Variants in GNAL observed in about 807,000 individuals in gnomAD.
GNAL encodes guanine nucleotide-binding protein G(olf) subunit alpha.
A neutral mutation model predicts 55.1 loss-of-function variants in GNAL; 18 were observed. The observed-to-expected ratio is 0.33, with a 90% CI of 0.23 to 0.48. The LOEUF is 0.48. GNAL is among the 20% of genes least tolerant of loss of function. The pLI, the probability that GNAL is intolerant of heterozygous loss-of-function variation, is 0.99. For missense variants in GNAL, 412 were observed against 614.1 expected (o/e 0.67, Z 3.48); for synonymous variants, 253 against 237.0 (o/e 1.07, Z -0.62).
In GNAL at chr18:11,794,808, C is replaced by T. The variant is rs542335591; in HGVS notation, c.625-30110C>T. On this transcript the variant is annotated intron_variant, in intron 4 of 11. Transcript: ENST00000334049. Reference sequence around the variant, plus strand: ...AAGGACAGGCCAGCCCAGTGGCTCACGCCTGTAATCCCAGCACTTTGTTTT... The same window carrying T: ...AAGGACAGGCCAGCCCAGTGGCTCATGCCTGTAATCCCAGCACTTTGTTTT... Among the ~76,000 whole-genome samples, 43 of 149,866 alleles carry T rather than the reference C, an allele frequency of 2.9e-4. 1 individual carries two copies. The South Asian group carries it at 8.5e-3, about 29-fold the overall frequency.
intron 4 of GNAL, among the ~76,000 whole-genome samples, chr18:11,780,373 A>AT (rs200283622): frequency 1.6e-4 from 22 of 140,226 alleles, no homozygotes; most frequent in South Asian, 6.8e-4. Flanking sequence ...TGGCTCTTAT[A>AT]TTTAAAAAAA....
At chr18:11,851,811 T>C in intron 5 of GNAL, 1 of 1,613,964 alleles carries the variant, frequency 6.2e-7, no homozygotes, top group Admixed American at 1.7e-5. Context: ...AGTCGATGGA[T>C]GCGACATTGA....
chr18:11,836,239 G>T (rs2035495807), intron 5 of GNAL, among the ~76,000 whole-genome samples: 1 of 151,996 alleles, frequency 6.6e-6, no homozygotes, highest in Admixed American at 6.6e-5. Context: ...CTGAGGTTGG[G>T]AGGTCGCGAC....
chr18:11,875,138 G>A (rs1429726721), intron 10 of GNAL, among the ~76,000 whole-genome samples: 2 of 152,204 alleles, frequency 1.3e-5, no homozygotes, highest in Non-Finnish European at 2.9e-5. Context: ...AGCAGGAACA[G>A]GGAAGGGGAG....
At chr18:11,866,606 G>C (rs530592817) in intron 7 of GNAL, among the ~76,000 whole-genome samples, 1 of 150,414 alleles carries the variant, frequency 6.6e-6, no homozygotes, top group African/African-American at 2.5e-5. Flanking sequence ...AGCAGCTCGG[G>C]CTGGGCAGAG....
chr18:11,766,475 A>C (rs57485078), intron 4 of GNAL, among the ~76,000 whole-genome samples: 21,132 of 152,136 alleles, frequency 0.14, 3,207 homozygotes, highest in African/African-American at 0.38. Flanking sequence ...CCTGCCCAGC[A>C]CCCCCAGAGT....
chr18:11,820,421 A>G (rs1317536804), intron 4 of GNAL, among the ~76,000 whole-genome samples: 1 of 152,202 alleles, frequency 6.6e-6, no homozygotes, highest in African/African-American at 2.4e-5. Flanking sequence ...CTATGTGTTT[A>G]TGTATTTTTT....
intron 4 of GNAL, among the ~76,000 whole-genome samples, chr18:11,800,292 G>A (rs1598470290): frequency 6.6e-6 from 1 of 152,094 alleles, no homozygotes; most frequent in African/African-American, 2.4e-5. Flanking sequence ...ATAAGATGAC[G>A]AGCAGCAGGT....
intron 8 of GNAL, among the ~76,000 whole-genome samples, chr18:11,867,807 A>G (rs1310197600): frequency 7.0e-6 from 1 of 143,074 alleles, no homozygotes; most frequent in Non-Finnish European, 1.5e-5. Context: ...AAAGAGCGAG[A>G]CTCTGTCAAA....
intron 2 of GNAL, 194 bp from the exon 3 acceptor site, chr18:11,753,434 T>TAAC: frequency 1.9e-6 from 1 of 537,246 alleles, no homozygotes; most frequent in Non-Finnish European, 3.3e-6. Flanking sequence ...CAAGTTTGTT[T>TAAC]AGAGTACAAA....
intron 1 of GNAL, among the ~76,000 whole-genome samples, chr18:11,726,612 A>G (rs556624225): frequency 7.2e-5 from 11 of 152,116 alleles, no homozygotes; most frequent in African/African-American, 2.7e-4. Context: ...GCCAGTGGGC[A>G]CTTCCTTCCT....
At chr18:11,841,650 A>T (rs1480103675) in intron 5 of GNAL, among the ~76,000 whole-genome samples, 1 of 150,826 alleles carries the variant, frequency 6.6e-6, no homozygotes, top group African/African-American at 2.5e-5. Flanking sequence ...GTCTCAAAAA[A>T]AAAAAAAAAA....
At chr18:11,759,987 C>CCCTG (rs1400476483) in intron 4 of GNAL, among the ~76,000 whole-genome samples, 2 of 152,006 alleles carry the variant, frequency 1.3e-5, no homozygotes, top group African/African-American at 4.8e-5. Flanking sequence ...GTTCCCTGCA[C>CCCTG]CCTGGGTGAC....
At chr18:11,733,953 C>G (rs113670653) in intron 1 of GNAL, among the ~76,000 whole-genome samples, 1 of 151,742 alleles carries the variant, frequency 6.6e-6, no homozygotes, top group South Asian at 2.1e-4. Context: ...GTCCTGTGTC[C>G]GTTCTGTAGA....
At position 11,752,525 on chromosome 18, in the gene GNAL, A is replaced by G; in HGVS notation, c.377-328A>G. 6.2e-7 allele frequency: 1 copy of G among 1,613,256 alleles called. No individual in the cohort carries two copies. The highest frequency in any genetic ancestry group is 1.1e-5 in the South Asian group (1 of 90,998). ...GAGGCCAACAAAAAGATCGAGAAGC[A>G]GTTGCAGAAAGAGCGCCTGGCTTAC... On this transcript the variant is annotated intron_variant, in intron 1 of 11. Transcript: ENST00000334049. The surrounding 1 kb of genome is among the most constrained non-coding windows in gnomAD (Gnocchi z 4.5).
chr18:11,729,700 A>G (rs988315233), intron 1 of GNAL, among the ~76,000 whole-genome samples: 1 of 152,226 alleles, frequency 6.6e-6, no homozygotes, highest in African/African-American at 2.4e-5. Flanking sequence ...AATCTGGCAT[A>G]AAATGCTGTA....
At position 11,689,859 on chromosome 18, in the gene GNAL, G is replaced by C; in HGVS notation, c.296G>C (p.Arg99Thr). 1 of 1,522,466 alleles carries C rather than the reference G, an allele frequency of 6.6e-7. No individual in the cohort carries two copies. The highest frequency in any genetic ancestry group is 8.8e-7 in the Non-Finnish European group (1 of 1,138,040). The allele number at this position is 1,522,466 out of a possible 1,614,324, so 94.3% of individuals were successfully genotyped here. ...AKEREAVKEA[R>T]KVSRGIDRML... The stretch of plus-strand genomic sequence containing the variant: ...GAGCGCGAGGCGGTCAAGGAGGCGA[G>C]GAAAGTGAGCCGGGGCATCGACCGC... The change falls in exon 1 of 12, where the codon AGG becomes ACG. Residue 99 changes from arginine (R) to threonine (T), a missense_variant. Arg to Thr is a moderately conservative substitution (Grantham distance 71). Coordinates refer to ENST00000334049, the MANE Select transcript of GNAL (RefSeq NM_182978.4).
At chr18:11,837,325 T>G (rs964185927) in intron 5 of GNAL, among the ~76,000 whole-genome samples, 2 of 151,924 alleles carry the variant, frequency 1.3e-5, no homozygotes, top group Non-Finnish European at 2.9e-5. Flanking sequence ...TTCAAGAAAG[T>G]GAAAAAACAA....
chr18:11,725,415 T>C (rs1004818566), intron 1 of GNAL, among the ~76,000 whole-genome samples: 1 of 152,184 alleles, frequency 6.6e-6, no homozygotes, highest in African/African-American at 2.4e-5. Context: ...GCCTTGAACT[T>C]CTAAGCTCCA....
Sources: gnomAD v4.1 joint callset for allele counts (sites outside exome capture counted in the v4.1 genomes callset) on GRCh38, gnomAD v4.1.1 for gene constraint, Gnocchi (gnomAD v3.1) non-coding constraint, MANE v1.5 for transcripts, NCBI Gene and HGNC (gene_info 2026-07-23, HGNC 2026-07-21) for gene names.